Variants in ABCA9 observed in about 807,000 individuals in gnomAD.
ABCA9 encodes ATP-binding cassette sub-family A member 9.
A neutral mutation model predicts 205.3 loss-of-function variants in ABCA9; 183 were observed. The ratio of observed to expected loss-of-function variants is 0.89; its 90% CI spans 0.79 to 1.01. The LOEUF is 1.01. Ranked by LOEUF, ABCA9 falls within the 50% of genes least tolerant of loss-of-function variation. The probability of loss-of-function intolerance (pLI) is 0.00; values close to 1 mark genes in which losing one functional copy is unlikely to be tolerated. For synonymous variants in ABCA9, 651 were observed against 683.3 expected (o/e 0.95, Z 0.74); for missense variants, 1,805 against 1,912.4 (o/e 0.94, Z 1.05).
At chr17:68,982,759 A>G (rs1254172188) in intron 36 of ABCA9, 118 bp from the exon 37 acceptor site, 4 of 709,064 alleles carry the variant, frequency 5.6e-6, no homozygotes, top group Non-Finnish European at 9.6e-6. Context: ...AACCACTGCA[A>G]TTTGGGAGGC....
intron 6 of ABCA9, among the ~76,000 whole-genome samples, chr17:69,041,278 T>C (rs962649963): frequency 1.3e-5 from 2 of 152,200 alleles, no homozygotes; most frequent in African/African-American, 4.8e-5. Context: ...TCCACTTAAA[T>C]GCTGTACAAG....
intron 25 of ABCA9, among the ~76,000 whole-genome samples, chr17:68,999,142 A>C (rs1384083120): frequency 6.6e-6 from 1 of 150,934 alleles, no homozygotes; most frequent in Non-Finnish European, 1.5e-5. Flanking sequence ...TATTATTATT[A>C]TACTTTAAGT....
chr17:69,041,084 G>T (rs1474981545), intron 6 of ABCA9, among the ~76,000 whole-genome samples: 1 of 152,034 alleles, frequency 6.6e-6, no homozygotes, highest in Non-Finnish European at 1.5e-5. Flanking sequence ...TTATTTTATG[G>T]GTTTAATATG....
At chr17:69,007,087 C>T (rs1439716881) in intron 25 of ABCA9, among the ~76,000 whole-genome samples, 1 of 152,094 alleles carries the variant, frequency 6.6e-6, no homozygotes, top group Non-Finnish European at 1.5e-5. Context: ...GAGAAAATAG[C>T]TAGGTGGATT....
chr17:68,987,288 C>G (rs962839087), intron 31 of ABCA9, among the ~76,000 whole-genome samples: 5 of 152,178 alleles, frequency 3.3e-5, no homozygotes, highest in Non-Finnish European at 4.4e-5. Flanking sequence ...GCTATATTGT[C>G]TCCCCCCAGT....
intron 14 of ABCA9, 60 bp from the exon 15 acceptor site, chr17:69,027,174 G>T: frequency 1.3e-6 from 2 of 1,589,594 alleles, no homozygotes; most frequent in Non-Finnish European, 1.7e-6. Context: ...CTTTTAAAAA[G>T]CACTGTACTT....
At chr17:68,986,893 A>G (rs1255240666) in intron 31 of ABCA9, among the ~76,000 whole-genome samples, 2 of 152,214 alleles carry the variant, frequency 1.3e-5, no homozygotes, top group Non-Finnish European at 2.9e-5. Flanking sequence ...GACATTATCA[A>G]GTCCATAATA....
At chr17:68,993,572 A>G (rs1350024792) in intron 26 of ABCA9, among the ~76,000 whole-genome samples, 1 of 152,236 alleles carries the variant, frequency 6.6e-6, no homozygotes, top group Non-Finnish European at 1.5e-5. Context: ...ACGTATACAT[A>G]TAAGTGCATT....
In ABCA9 at chr17:68,995,960, G is replaced by A. The variant is rs751732795; in HGVS notation, c.3490C>T (p.Leu1164=). 38 of 1,613,508 alleles carry A rather than the reference G, an allele frequency of 2.4e-5. No homozygotes were observed. The highest frequency in any genetic ancestry group is 3.3e-4 in the Middle Eastern group (2 of 6,082). ...GGTATTAACATGGTGCCAAAAAATA[G>A]CCCTAGAAATCCATATTCATTTAGA... ...TDLNEYGFLG[L]FFGTMLIPPF... is the part of the protein sequence containing the mutation. Residue 1164 remains leucine, a synonymous_variant, in exon 26 of 39, where the codon CTA becomes TTA. Transcript: ENST00000340001.
Position 68,995,957 on chromosome 17 carries a change from A to G in ABCA9, c.3493T>C (p.Phe1165Leu), listed in dbSNP as rs1430075670. ...GGAGGTATTAACATGGTGCCAAAAA[A>G]TAGCCCTAGAAATCCATATTCATTT... ...DLNEYGFLGL[F>L]FGTMLIPPFT... Residue 1165 changes from phenylalanine to leucine, a missense_variant, in exon 26 of 39, where the codon TTT becomes CTT. Coordinates refer to ENST00000340001, the MANE Select transcript of ABCA9 (RefSeq NM_080283.4). The G allele has an allele frequency of 6.8e-6, 11 of 1,613,852 alleles. No homozygotes were observed. The highest frequency in any genetic ancestry group is 1.1e-5 in the South Asian group (1 of 91,084).
chr17:69,051,057 A>G lies in ABCA9; in HGVS notation c.70T>C (p.Trp24Arg). 1 of 1,613,680 alleles carries G rather than the reference A, an allele frequency of 6.2e-7. No homozygotes were observed. Among genetic ancestry groups the G allele is most frequent in the Non-Finnish European group, 8.5e-7 (1 of 1,179,800 alleles). Residue 24 changes from tryptophan to arginine, a missense_variant, in exon 2 of 39, where the codon TGG (tryptophan) becomes CGG (arginine). Transcript: ENST00000340001. The stretch of plus-strand genomic sequence containing the variant: ...AACAAGGTCTGTCTTTTCATTCTCC[A>G]TTTTTTGAGACAGTTCTTGCAGAGA... ...ALLCKNCLKK[W>R]RMKRQTLLEW...
Position 69,060,897 on chromosome 17 carries a change from C to G in ABCA9, c.-45G>C. On this transcript the variant is annotated 5_prime_UTR_variant, in exon 1 of 39. Transcript: ENST00000340001. ...GAAAGCTGGAGGAAAAATCTAGAAA[C>G]ACAGTTCATCCATGGGTCTCTGCAT... is the stretch of plus-strand genomic sequence containing the variant. 2 of 985,436 alleles carry G rather than the reference C, an allele frequency of 2.0e-6. No homozygotes were observed. Among genetic ancestry groups the G allele is most frequent in the African/African-American group, 3.5e-5 (2 of 57,348 alleles). 61.0% of individuals were successfully genotyped at this position (985,436 alleles called of 1,614,324 possible).
rs376041944 is a variant in ABCA9 at position 69,008,206 on chromosome 17, T to C, written c.3177A>G (p.Ser1059=). ...ACCAGTATGCAGAAGGGTAGAGGCC[T>C]GAAATCCGTAGCTGGGAATGAGCTT... ...KKKAHSQLRI[S]GLYPSAYWFG... Residue 1059 remains serine (S), a synonymous_variant, in exon 24 of 39, where the codon TCA becomes TCG. Coordinates refer to ENST00000340001, the MANE Select transcript of ABCA9 (RefSeq NM_080283.4). The C allele has an allele frequency of 1.7e-5, 27 of 1,613,250 alleles. No individual in the cohort carries two copies. The highest frequency in any genetic ancestry group is 2.0e-5 in the Non-Finnish European group (24 of 1,179,832).
chr17:69,033,951 A>G (rs1021850234), intron 8 of ABCA9, 78 bp from the exon 9 acceptor site: 18 of 1,220,510 alleles, frequency 1.5e-5, no homozygotes, highest in Non-Finnish European at 2.0e-5. Context: ...TTCTGCTACA[A>G]CTGGGTTTGC....
chr17:68,990,108 A>C (rs1259788288), intron 29 of ABCA9, among the ~76,000 whole-genome samples, 178 bp from the exon 30 acceptor site: 1 of 152,216 alleles, frequency 6.6e-6, no homozygotes, highest in Non-Finnish European at 1.5e-5. Flanking sequence ...AGGAAAGGGC[A>C]TTTGCACCAT....
chr17:69,012,026 C>T lies in ABCA9; in HGVS notation c.3097G>A (p.Ala1033Thr), dbSNP rs1178769877. Reference sequence around the variant, plus strand: ...GCAATGTATGGAGTGAAAGAGGCTGCCATCGGTATCCAGAAGAAGGTGTTA... The same window carrying T: ...GCAATGTATGGAGTGAAAGAGGCTGTCATCGGTATCCAGAAGAAGGTGTTA... The part of the protein sequence containing the change: ...RSNTFFWIPM[A>T]ASFTPYIAMS... Residue 1033 changes from alanine (A) to threonine (T), a missense_variant, in exon 23 of 39, where the codon GCA becomes ACA. Transcript: ENST00000340001. 2.5e-6 allele frequency: 4 copies of T among 1,613,008 alleles called. No individual in the cohort carries two copies. The highest frequency in any genetic ancestry group is 3.4e-6 in the Non-Finnish European group (4 of 1,179,494).
chr17:68,992,107 G>A (rs1055780010), intron 28 of ABCA9, 68 bp downstream of exon 28: 6 of 1,081,322 alleles, frequency 5.5e-6, no homozygotes, highest in African/African-American at 1.6e-5. Flanking sequence ...AATTAATTCA[G>A]CACATTAAAA....
At chr17:69,009,496 G>A (rs2070290795) in intron 23 of ABCA9, among the ~76,000 whole-genome samples, 1 of 152,156 alleles carries the variant, frequency 6.6e-6, no homozygotes. Flanking sequence ...TCAGATTAAG[G>A]GAGTAAGATA....
chr17:69,030,310 C>T (rs1302936261), intron 10 of ABCA9, among the ~76,000 whole-genome samples: 1 of 152,138 alleles, frequency 6.6e-6, no homozygotes, highest in Non-Finnish European at 1.5e-5. Flanking sequence ...TCCTGGCTTG[C>T]AAAGAGCTGC....
Sources: gnomAD v4.1 joint callset for allele counts (sites outside exome capture counted in the v4.1 genomes callset) on GRCh38, gnomAD v4.1.1 for gene constraint, MANE v1.5 for transcripts, NCBI Gene and HGNC (gene_info 2026-07-23, HGNC 2026-07-21) for gene names.